SIL1: variants seen among roughly 807,000 people sequenced by gnomAD.
The protein encoded by SIL1 is nucleotide exchange factor SIL1.
Under a neutral mutation model 49.1 loss-of-function variants are expected in SIL1, and 40 were observed. The observed-to-expected ratio is 0.81, with a 90% CI of 0.63 to 1.06. The LOEUF is 1.06. Among genes scored for constraint, SIL1 ranks in the 50% least tolerant of loss-of-function variants. The probability of loss-of-function intolerance (pLI) is 0.00; values close to 1 mark genes in which losing one functional copy is unlikely to be tolerated. For missense variants in SIL1, 500 were observed against 572.6 expected, an observed-to-expected ratio of 0.87 and a Z score of 1.29; for synonymous variants, 253 against 250.8, an observed-to-expected ratio of 1.01 and a Z score of -0.08.
At chr5:139,036,440 A>C (rs1057146570) in intron 5 of SIL1, among the ~76,000 whole-genome samples, 1 of 152,204 alleles carries the variant, frequency 6.6e-6, no homozygotes, top group African/African-American at 2.4e-5. Context: ...AGATTTGTCA[A>C]AATAGCAAAC....
At chr5:138,993,557 T>G (rs1160152829) in intron 7 of SIL1, among the ~76,000 whole-genome samples, 5 of 152,168 alleles carry the variant, frequency 3.3e-5, no homozygotes, top group Admixed American at 3.3e-4. Context: ...TATATACGAC[T>G]ATGTGTATGT....
intron 1 of SIL1, among the ~76,000 whole-genome samples, chr5:139,193,277 G>T (rs545929416): frequency 6.6e-6 from 1 of 152,022 alleles, no homozygotes; most frequent in African/African-American, 2.4e-5. Flanking sequence ...AATTCCATTG[G>T]GGGTAGCTGG....
intron 1 of SIL1, among the ~76,000 whole-genome samples, chr5:139,194,269 T>C (rs1471474392): frequency 2.6e-5 from 4 of 152,102 alleles, no homozygotes; most frequent in Admixed American, 2.6e-4. Flanking sequence ...TAGCTTGAGG[T>C]TCTCCACATG....
chr5:139,015,485 A>G (rs1768378691), intron 7 of SIL1, among the ~76,000 whole-genome samples: 1 of 152,252 alleles, frequency 6.6e-6, no homozygotes, highest in East Asian at 1.9e-4. Context: ...TCTCATAAGA[A>G]AAATCTGGAA....
At chr5:139,129,351 A>G (rs1378841198) in intron 1 of SIL1, among the ~76,000 whole-genome samples, 1 of 152,220 alleles carries the variant, frequency 6.6e-6, no homozygotes, top group Non-Finnish European at 1.5e-5. Context: ...CAGTCTCTTT[A>G]ACAAATGGTA....
At chr5:139,005,542 G>A (rs1207880426) in intron 7 of SIL1, among the ~76,000 whole-genome samples, 5 of 135,754 alleles carry the variant, frequency 3.7e-5, no homozygotes, top group Non-Finnish European at 6.3e-5. Context: ...ATGCTGGTGC[G>A]CTGCGCCCAC....
chr5:138,974,547 T>G (rs1767353362), intron 7 of SIL1, among the ~76,000 whole-genome samples: 1 of 152,230 alleles, frequency 6.6e-6, no homozygotes, highest in African/African-American at 2.4e-5. Context: ...GCACACAGAT[T>G]ATCTCAGAGT....
At chr5:139,058,574 A>C (rs966996130) in intron 3 of SIL1, among the ~76,000 whole-genome samples, 5 of 152,198 alleles carry the variant, frequency 3.3e-5, no homozygotes, top group Non-Finnish European at 4.4e-5. Context: ...TATTTGTATG[A>C]GTATGAACTC....
chr5:139,095,648 C>A (rs1374288004), intron 3 of SIL1, among the ~76,000 whole-genome samples: 1 of 151,922 alleles, frequency 6.6e-6, no homozygotes, highest in Non-Finnish European at 1.5e-5. Flanking sequence ...TTGAGAAGTG[C>A]AAAAAATACA....
intron 5 of SIL1, among the ~76,000 whole-genome samples, chr5:139,031,456 C>T (rs1768791065): frequency 6.6e-6 from 1 of 152,188 alleles, no homozygotes; most frequent in Non-Finnish European, 1.5e-5. Flanking sequence ...GTTCTCTACT[C>T]TGTTCCATTG....
At chr5:139,011,044 G>A (rs868205317) in intron 7 of SIL1, among the ~76,000 whole-genome samples, 4 of 140,778 alleles carry the variant, frequency 2.8e-5, no homozygotes, top group South Asian at 2.4e-4. Flanking sequence ...GGGCAATGGC[G>A]GGCGCCCCTC....
chr5:138,983,081 C>T (rs1204193238), intron 7 of SIL1, among the ~76,000 whole-genome samples: 2 of 151,560 alleles, frequency 1.3e-5, no homozygotes, highest in African/African-American at 2.4e-5. Context: ...CCTATTAGTC[C>T]CAGCAACTCA....
chr5:139,070,547 T>G (rs573887574), intron 3 of SIL1, among the ~76,000 whole-genome samples: 26 of 152,202 alleles, frequency 1.7e-4, no homozygotes, highest in Non-Finnish European at 3.5e-4. Context: ...GGGAAGGAAA[T>G]GTACAAGACG....
chr5:139,138,636 C>T (rs1751023339), intron 1 of SIL1, among the ~76,000 whole-genome samples: 1 of 152,208 alleles, frequency 6.6e-6, no homozygotes, highest in Non-Finnish European at 1.5e-5. Flanking sequence ...TCAACCCCTT[C>T]ATCTATAAGA....
intron 5 of SIL1, among the ~76,000 whole-genome samples, chr5:139,041,414 T>C (rs1769045339): frequency 6.6e-6 from 1 of 152,164 alleles, no homozygotes; most frequent in South Asian, 2.1e-4. Context: ...CAGAACAACC[T>C]ATGGCTTCTT....
intron 1 of SIL1, among the ~76,000 whole-genome samples, chr5:139,165,805 A>G (rs12153518): frequency 0.46 from 69,935 of 151,488 alleles, 16,886 homozygotes; most frequent in South Asian, 0.56. Flanking sequence ...CTACAGGTAC[A>G]TGCCCACCAT....
At chr5:139,102,258 T>C (rs776487179) in intron 3 of SIL1, among the ~76,000 whole-genome samples, 1 of 152,238 alleles carries the variant, frequency 6.6e-6, no homozygotes, top group Non-Finnish European at 1.5e-5. Context: ...CTGGAGGCTC[T>C]AACTTTCAGT....
intron 7 of SIL1, among the ~76,000 whole-genome samples, chr5:138,971,042 C>A (rs531956281): frequency 2.0e-5 from 3 of 152,146 alleles, no homozygotes; most frequent in Non-Finnish European, 4.4e-5. Context: ...ACATGACCAG[C>A]CCTAACTGGG....
intron 1 of SIL1, among the ~76,000 whole-genome samples, chr5:139,143,344 C>CATATATATATATATAT (rs1314250793): frequency 6.7e-4 from 65 of 97,452 alleles, no homozygotes; most frequent in African/African-American, 2.8e-3. Context: ...CACACACACA[C>CATATATATATATATAT]ATATATATAT....
Sources: allele counts gnomAD v4.1 joint callset (sites outside exome capture counted in the v4.1 genomes callset), GRCh38; gene constraint gnomAD v4.1.1; transcripts MANE v1.5; gene names NCBI Gene and HGNC (gene_info 2026-07-23, HGNC 2026-07-21).